PCDHGB6: variants seen among roughly 807,000 people sequenced by gnomAD.
The protein encoded by PCDHGB6 is protocadherin gamma-B6.
Under a neutral mutation model 59.1 loss-of-function variants are expected in PCDHGB6, and 51 were observed. The observed-to-expected ratio is 0.86, with a 90% CI of 0.69 to 1.09. The LOEUF (loss-of-function observed/expected upper bound fraction) is 1.09. PCDHGB6 is among the 50% of genes least tolerant of loss of function. The pLI is 0.00. For synonymous variants in PCDHGB6, 466 were observed against 495.1 expected, an observed-to-expected ratio of 0.94 and a Z score of 0.78; for missense variants, 1,148 against 1,205.1, an observed-to-expected ratio of 0.95 and a Z score of 0.70.
intron 1 of PCDHGB6, among the ~76,000 whole-genome samples, chr5:141,456,935 C>T (rs894385178): frequency 5.9e-5 from 9 of 152,178 alleles, no homozygotes; most frequent in African/African-American, 2.2e-4. Context: ...TGCACTCCAG[C>T]CTGGGCAACA....
chr5:141,460,912 G>GTGTA (rs145509489), intron 1 of PCDHGB6, among the ~76,000 whole-genome samples: 34,285 of 149,232 alleles, frequency 0.23, 4,672 homozygotes, highest in African/African-American at 0.39. Flanking sequence ...ATTCCATGGT[G>GTGTA]TATATATATA....
chr5:141,451,908 G>C (rs899191624), intron 1 of PCDHGB6, among the ~76,000 whole-genome samples: 1 of 152,046 alleles, frequency 6.6e-6, no homozygotes, highest in Non-Finnish European at 1.5e-5. Flanking sequence ...AAGGGAGGGA[G>C]GGAGGAAGGA....
rs142703691 is a variant in PCDHGB6 at position 141,489,691 on chromosome 5, C to T, written c.2419-5116C>T. On this transcript the variant is annotated intron_variant, in intron 1 of 3. Transcript: ENST00000520790. The surrounding 1 kb of genome is among the most constrained non-coding windows in gnomAD (Gnocchi z 4.5). ...CTCAGAATCAGCAGCATCTGGGGCACGATTCCCACTGGACAGTGCCCAGGA... is the reference window on the plus strand; with the variant it reads ...CTCAGAATCAGCAGCATCTGGGGCATGATTCCCACTGGACAGTGCCCAGGA... 8.1e-6 allele frequency: 13 copies of T among 1,614,164 alleles called. No individual in the cohort carries two copies. The highest frequency in any genetic ancestry group is 3.3e-5 in the South Asian group (3 of 91,080).
intron 1 of PCDHGB6, among the ~76,000 whole-genome samples, chr5:141,470,011 C>T (rs2099218489): frequency 6.6e-6 from 1 of 152,144 alleles, no homozygotes; most frequent in Non-Finnish European, 1.5e-5. Context: ...CGCCTGTAAT[C>T]CCAGCTACTC....
chr5:141,432,084 T>A lies in PCDHGB6; in HGVS notation c.2418+21464T>A, dbSNP rs1372151428. 1.2e-6 allele frequency: 2 copies of A among 1,614,186 alleles called. No individual in the cohort carries two copies. Among genetic ancestry groups the A allele is most frequent in the Admixed American group, 1.7e-5 (1 of 60,022 alleles). On this transcript the variant is annotated intron_variant, in intron 1 of 3. Transcript: ENST00000520790. This position sits in a 1 kb window ranked among gnomAD's most constrained non-coding sequence, Gnocchi z 6.0. Reference sequence around the variant, plus strand: ...ACGGAAACTCATATCTCGCTGAACGTGGCAGACACCAACGACAACCCGCCG... The same window carrying A: ...ACGGAAACTCATATCTCGCTGAACGAGGCAGACACCAACGACAACCCGCCG...
Position 141,414,630 on chromosome 5 carries a change from C to A in PCDHGB6, c.2418+4010C>A. On this transcript the variant is annotated intron_variant, in intron 1 of 3. Coordinates refer to ENST00000520790, the MANE Select transcript of PCDHGB6 (RefSeq NM_018926.3). ...CAGTGACAGCGCTGGACCCGGACAG[C>A]AAAGAGAATGCCCAGATTATTTACT... 2 of 1,613,980 alleles carry A rather than the reference C, an allele frequency of 1.2e-6. No individual in the cohort carries two copies. Among genetic ancestry groups the A allele is most frequent in the Non-Finnish European group, 1.7e-6 (2 of 1,179,892 alleles).
Position 141,409,176 on chromosome 5 carries a change from G to A in PCDHGB6, c.974G>A (p.Gly325Asp). The change falls in exon 1 of 4, where the codon GGT becomes GAT. Residue 325 changes from glycine to aspartate, a missense_variant. This residue lies in a region of PCDHGB6 where 549 missense variants were observed against 527.5 expected (regional missense o/e 1.04). Transcript: ENST00000520790. ...ATGGAAGTGGAAGCGAAGGACGGAG[G>A]TGGTCTCTCTACCCAGTGTAAAGTA... ...YTMEVEAKDG[G>D]GLSTQCKVII... The A allele has an allele frequency of 6.2e-7, 1 of 1,614,026 alleles. No individual in the cohort carries two copies. The highest frequency in any genetic ancestry group is 8.5e-7 in the Non-Finnish European group (1 of 1,179,892).
chr5:141,417,185 A>C (rs2096092787), intron 1 of PCDHGB6: 1 of 152,216 alleles, frequency 6.6e-6, no homozygotes, highest in Admixed American at 6.5e-5. Context: ...AGGAATTATT[A>C]CTTTCTGGGT....
intron 1 of PCDHGB6, among the ~76,000 whole-genome samples, chr5:141,455,959 G>T (rs112864392): frequency 0.11 from 16,680 of 150,504 alleles, 1,459 homozygotes; most frequent in African/African-American, 0.24. Context: ...GTGCAGTGGC[G>T]CGATCTCAGC....
Position 141,477,102 on chromosome 5 carries a change from C to T in PCDHGB6, c.2419-17705C>T. 2.5e-6 allele frequency: 4 copies of T among 1,614,232 alleles called. No homozygotes were observed. The South Asian group carries it at 4.4e-5, about 18-fold the overall frequency. On this transcript the variant is annotated intron_variant, in intron 1 of 3. Coordinates refer to ENST00000520790, the MANE Select transcript of PCDHGB6 (RefSeq NM_018926.3). This position sits in a 1 kb window ranked among gnomAD's most constrained non-coding sequence, Gnocchi z 4.9. Reference sequence around the variant, plus strand: ...TACATCCAGGCCAAAGACAAGGGCGCCAATCCCGAAGGAGCACATTGCAAA... The same window carrying T: ...TACATCCAGGCCAAAGACAAGGGCGTCAATCCCGAAGGAGCACATTGCAAA...
At chr5:141,427,901 G>C (rs2097088177) in intron 1 of PCDHGB6, 6 of 1,572,234 alleles carry the variant, frequency 3.8e-6, no homozygotes, top group East Asian at 2.2e-5. Flanking sequence ...GCTCGCCCGC[G>C]CTCAGCGCCA....
chr5:141,422,447 C>G, intron 1 of PCDHGB6: 2 of 1,610,922 alleles, frequency 1.2e-6, no homozygotes, highest in Non-Finnish European at 1.7e-6. Flanking sequence ...AAATTGATAA[C>G]AAGCAGAGTG....
At chr5:141,415,257 T>G in intron 1 of PCDHGB6, 1 of 1,614,170 alleles carries the variant, frequency 6.2e-7, no homozygotes, top group Non-Finnish European at 8.5e-7. Flanking sequence ...CAGACCTCAC[T>G]CTGTACCTGG....
chr5:141,486,029 C>G lies in PCDHGB6; in HGVS notation c.2419-8778C>G. Reference sequence around the variant, plus strand: ...CACCTTTTATTTCAGTGGTCATACCCCTGATCGTGTAAGAAACCTCTTTAG... The same window carrying G: ...CACCTTTTATTTCAGTGGTCATACCGCTGATCGTGTAAGAAACCTCTTTAG... On this transcript the variant is annotated intron_variant, in intron 1 of 3. Transcript: ENST00000520790. The surrounding 1 kb of genome is among the most constrained non-coding windows in gnomAD (Gnocchi z 5.0). 6.2e-7 allele frequency: 1 copy of G among 1,614,016 alleles called. No homozygotes were observed. Among genetic ancestry groups the G allele is most frequent in the Non-Finnish European group, 8.5e-7 (1 of 1,179,900 alleles).
chr5:141,467,554 T>A (rs2099145880), intron 1 of PCDHGB6, among the ~76,000 whole-genome samples: 1 of 152,238 alleles, frequency 6.6e-6, no homozygotes. Flanking sequence ...TATATCTTTT[T>A]TCCCAAATGG....
rs776374898 is a variant in PCDHGB6, at chr5:141,414,958, G to A, written c.2418+4338G>A. ...AGAGCCCGGCTACCTGGTGACCAAG[G>A]TGGTGGCGGTGGACAGAGACTCCGG... On this transcript the variant is annotated intron_variant, in intron 1 of 3. Coordinates refer to ENST00000520790, the MANE Select transcript of PCDHGB6 (RefSeq NM_018926.3). The A allele has an allele frequency of 3.7e-6, 6 of 1,614,024 alleles. No homozygotes were observed. The South Asian group carries it at 4.4e-5, about 12-fold the overall frequency.
At chr5:141,506,231 A>G (rs1453468632) in intron 3 of PCDHGB6, among the ~76,000 whole-genome samples, 4 of 152,082 alleles carry the variant, frequency 2.6e-5, no homozygotes, top group African/African-American at 4.8e-5. Context: ...CAGGAGGATC[A>G]TGAGGTCAGG....
At chr5:141,452,193 G>A (rs764434048) in intron 1 of PCDHGB6, among the ~76,000 whole-genome samples, 3 of 151,990 alleles carry the variant, frequency 2.0e-5, no homozygotes, top group Admixed American at 6.6e-5. Context: ...ACCTCAAATT[G>A]TTTTAGATGT....
rs771946302 is a variant in PCDHGB6, at chr5:141,410,024, G to T, written c.1822G>T (p.Val608Leu). 2.5e-6 allele frequency: 4 copies of T among 1,613,164 alleles called. No individual in the cohort carries two copies. The highest frequency in any genetic ancestry group is 3.4e-6 in the Non-Finnish European group (4 of 1,179,818). ...SGHNAWLSYH[V>L]LQASEPGLFS... is the part of the protein sequence containing the mutation. ...ACACAACGCCTGGCTGTCCTACCAC[G>T]TGCTGCAGGCCAGTGAGCCCGGACT... is the stretch of plus-strand genomic sequence containing the variant. Residue 608 changes from valine (V) to leucine (L), a missense_variant, in exon 1 of 4, where the codon GTG (valine) becomes TTG (leucine). Physicochemically the swap from Val to Leu is conservative, Grantham distance 32. Transcript: ENST00000520790.
Sources: allele counts gnomAD v4.1 joint callset (sites outside exome capture counted in the v4.1 genomes callset), GRCh38; gene constraint gnomAD v4.1.1; regional missense constraint gnomAD v4.1.1; non-coding constraint Gnocchi (gnomAD v3.1); transcripts MANE v1.5; gene names NCBI Gene and HGNC (gene_info 2026-07-23, HGNC 2026-07-21).